RAB4B: variants seen among roughly 807,000 people sequenced by gnomAD.
The protein encoded by RAB4B is RAB4B, member RAS oncogene family.
Under a neutral mutation model 28.3 loss-of-function variants are expected in RAB4B, and 15 were observed. The observed-to-expected ratio is 0.53, with a 90% confidence interval of 0.35 to 0.82. The LOEUF is 0.82. RAB4B is among the 40% of genes least tolerant of loss of function. RAB4B has a pLI of 0.01. For missense variants in RAB4B, 244 were observed against 288.5 expected (o/e 0.85, Z 1.12); for synonymous variants, 108 against 116.3 (o/e 0.93, Z 0.46).
intron 5 of RAB4B, among the ~76,000 whole-genome samples, chr19:40,784,800 T>C (rs1283576795): frequency 6.6e-6 from 1 of 152,002 alleles, no homozygotes; most frequent in Non-Finnish European, 1.5e-5. Context: ...ATTGGTTTAA[T>C]GTAGAGATTG....
chr19:40,784,337 T>G (rs1195065090), intron 5 of RAB4B, among the ~76,000 whole-genome samples: 1 of 152,000 alleles, frequency 6.6e-6, no homozygotes, highest in Admixed American at 6.6e-5. Context: ...ATAAAAAATT[T>G]AAAAAATTAG....
At chr19:40,788,896 C>T (rs528780987) in intron 7 of RAB4B, among the ~76,000 whole-genome samples, 3 of 150,382 alleles carry the variant, frequency 2.0e-5, no homozygotes, top group Non-Finnish European at 4.4e-5. Flanking sequence ...TTCAAGTTGC[C>T]TCAGCCTCCT....
At chr19:40,790,033 A>C (rs1418868176) in intron 7 of RAB4B, among the ~76,000 whole-genome samples, 1 of 152,198 alleles carries the variant, frequency 6.6e-6, no homozygotes, top group Non-Finnish European at 1.5e-5. Flanking sequence ...AGATGGGGTC[A>C]GGGGTTGGAG....
intron 7 of RAB4B, among the ~76,000 whole-genome samples, chr19:40,788,039 C>G (rs994417177): frequency 1.3e-5 from 2 of 151,008 alleles, no homozygotes; most frequent in Non-Finnish European, 2.9e-5. Context: ...GGCCAGCTTC[C>G]TGCCCTAGAC....
chr19:40,793,572 G>GTTTTTTTTTTTT (rs373163247), intron 7 of RAB4B, among the ~76,000 whole-genome samples: 6 of 125,410 alleles, frequency 4.8e-5, no homozygotes, highest in Middle Eastern at 3.7e-3. Context: ...TTTCTTTTTT[G>GTTTTTTTTTTTT]TTTTTTTTTT....
chr19:40,790,008 T>C (rs2083142144), intron 7 of RAB4B, among the ~76,000 whole-genome samples: 1 of 152,148 alleles, frequency 6.6e-6, no homozygotes, highest in South Asian at 2.1e-4. Flanking sequence ...GTGTGTGTTT[T>C]GTGGGTACAG....
chr19:40,779,034 A>T (rs2083022827), intron 1 of RAB4B: 1 of 985,382 alleles, frequency 1.0e-6, no homozygotes, highest in South Asian at 4.7e-5. Context: ...AAGAGAAGGG[A>T]GAAGAGTGCA....
Position 40,783,758 on chromosome 19 carries a change from G to T in RAB4B, c.213-20G>T, listed in dbSNP as rs1187612203. On this transcript the variant is annotated intron_variant, in intron 3 of 7. Coordinates refer to ENST00000357052, the MANE Select transcript of RAB4B (RefSeq NM_016154.5). ...GCAGACCCCAGCCTTGGGGGTGACT[G>T]GGTCCCCCTGGCCCCACAGGTCAGT... 1 of 1,540,560 alleles carries T rather than the reference G, an allele frequency of 6.5e-7. No individual in the cohort carries two copies. The highest frequency in any genetic ancestry group is 2.0e-5 in the Admixed American group (1 of 49,680).
intron 5 of RAB4B, among the ~76,000 whole-genome samples, chr19:40,784,658 C>G (rs907359945): frequency 6.6e-6 from 1 of 152,172 alleles, no homozygotes; most frequent in Admixed American, 6.5e-5. Context: ...GTCCTTAGCA[C>G]CCGCCACAGA....
chr19:40,792,953 G>A (rs952162766), intron 7 of RAB4B, among the ~76,000 whole-genome samples: 18 of 151,922 alleles, frequency 1.2e-4, no homozygotes, highest in Non-Finnish European at 2.2e-4. Context: ...GCTAATTTTC[G>A]TATTTTTAGT....
chr19:40,783,729 C>T (rs371860012), intron 3 of RAB4B, 49 bp from the exon 4 acceptor site: 15 of 1,497,962 alleles, frequency 1.0e-5, no homozygotes, highest in Admixed American at 2.3e-5. Flanking sequence ...GGGGCATTCT[C>T]GGGGCAGACC....
intron 1 of RAB4B, chr19:40,779,762 G>A (rs2083029498): frequency 1.2e-5 from 10 of 855,190 alleles, no homozygotes; most frequent in South Asian, 5.3e-5. Context: ...CAAAAACAAC[G>A]ACAAAAAAAC....
rs2145037351 is a variant in RAB4B, at chr19:40,780,462, CTACAGA to C, written c.177_182del (p.Gln60_Ile61del). 1 of 1,613,748 alleles carries C rather than the reference CTACAGA, an allele frequency of 6.2e-7. No individual in the cohort carries two copies. Among genetic ancestry groups the C allele is most frequent in the East Asian group, 2.2e-5 (1 of 44,860 alleles). ...CAACGTGGGTGGGAAGACTGTGAAG[CTACAGA>C]TTTGGGACACGGCTGGCCAGGAGCG... On this transcript the variant is annotated inframe_deletion, in exon 3 of 8. Coordinates refer to ENST00000357052, the MANE Select transcript of RAB4B (RefSeq NM_016154.5).
intron 5 of RAB4B, chr19:40,786,250 C>T (rs2083097840): frequency 3.4e-6 from 1 of 296,160 alleles, no homozygotes; most frequent in Non-Finnish European, 6.6e-6. Context: ...TGGGGCAGGT[C>T]CAGGCAGAAG....
intron 7 of RAB4B, among the ~76,000 whole-genome samples, chr19:40,787,878 C>G (rs552476631): frequency 1.4e-5 from 2 of 142,634 alleles, no homozygotes; most frequent in African/African-American, 2.6e-5. Context: ...AGGAGAATCA[C>G]TTGAACCCAG....
At chr19:40,788,240 T>C (rs930434715) in intron 7 of RAB4B, among the ~76,000 whole-genome samples, 1 of 152,020 alleles carries the variant, frequency 6.6e-6, no homozygotes, top group Non-Finnish European at 1.5e-5. Flanking sequence ...CTCACACCTG[T>C]AATCCCAGCA....
Position 40,778,279 on chromosome 19 carries a change from A to T in RAB4B, c.-97A>T. On this transcript the variant is annotated 5_prime_UTR_variant, in exon 1 of 8. In the 5' UTR this introduces an upstream ATG that the reference lacks. Coordinates refer to ENST00000357052, the MANE Select transcript of RAB4B (RefSeq NM_016154.5). ...GCGGTGCCGGGCCCGGGGAGTAGGA[A>T]GGAGCCGGGGCTGTAGCCGGAGTGG... 1 of 1,239,328 alleles carries T rather than the reference A, an allele frequency of 8.1e-7. No homozygotes were observed. Among genetic ancestry groups the T allele is most frequent in the South Asian group, 1.4e-5 (1 of 70,174 alleles). 76.8% of individuals were successfully genotyped at this position (1,239,328 alleles called of 1,614,324 possible).
chr19:40,790,153 G>A (rs1276651469), intron 7 of RAB4B, among the ~76,000 whole-genome samples: 1 of 152,276 alleles, frequency 6.6e-6, no homozygotes, highest in Admixed American at 6.5e-5. Flanking sequence ...AGATTCAGGG[G>A]TGCAGAGAGT....
chr19:40,791,749 C>T (rs970817574), intron 7 of RAB4B, among the ~76,000 whole-genome samples: 23 of 152,054 alleles, frequency 1.5e-4, no homozygotes, highest in East Asian at 5.8e-4. Context: ...TCTGGTGCCC[C>T]AGCCTCCTGA....
Sources: allele counts gnomAD v4.1 joint callset (sites outside exome capture counted in the v4.1 genomes callset), GRCh38; gene constraint gnomAD v4.1.1; transcripts MANE v1.5; gene names NCBI Gene and HGNC (gene_info 2026-07-23, HGNC 2026-07-21).